Variants in CSMD1 observed in about 807,000 individuals in gnomAD.
CSMD1 encodes the protein CUB and Sushi multiple domains 1.
In CSMD1, 213 loss-of-function variants were observed where a neutral mutation model predicts 417.5. That is an observed-to-expected ratio of 0.51 (90% CI 0.46 to 0.57). The LOEUF (loss-of-function observed/expected upper bound fraction) is 0.57. Ranked by LOEUF, CSMD1 falls within the 20% of genes least tolerant of loss-of-function variation. The probability of loss-of-function intolerance (pLI) is 0.00; values close to 1 mark genes in which losing one functional copy is unlikely to be tolerated. For synonymous variants in CSMD1, 2,862 were observed against 1,736.8 expected, an observed-to-expected ratio of 1.65 and a Z score of -16.11; for missense variants, 6,923 against 4,529.7, an observed-to-expected ratio of 1.53 and a Z score of -15.17.
intron 10 of CSMD1, among the ~76,000 whole-genome samples, chr8:3,524,428 C>T (rs1307242714): frequency 6.6e-6 from 1 of 151,442 alleles, no homozygotes; most frequent in East Asian, 2.0e-4. Context: ...CAACCAGACA[C>T]ATCTGCATCT....
At chr8:4,076,412 A>G (rs993534916) in intron 3 of CSMD1, among the ~76,000 whole-genome samples, 2 of 152,218 alleles carry the variant, frequency 1.3e-5, no homozygotes, top group Non-Finnish European at 2.9e-5. Context: ...GAATGGACTA[A>G]TACAATAAGC....
chr8:3,975,013 G>A (rs112520447), intron 5 of CSMD1, among the ~76,000 whole-genome samples: 10 of 152,154 alleles, frequency 6.6e-5, no homozygotes, highest in African/African-American at 2.4e-4. Flanking sequence ...CAGTGAAAAT[G>A]GAATATAAAT....
At chr8:3,608,408 T>A (rs145445464) in intron 8 of CSMD1, among the ~76,000 whole-genome samples, 162 of 152,216 alleles carry the variant, frequency 1.1e-3, no homozygotes, top group African/African-American at 3.8e-3. Flanking sequence ...GGGAGCTCCC[T>A]AAGTTCAGTT....
intron 1 of CSMD1, among the ~76,000 whole-genome samples, chr8:4,674,586 C>T (rs150400743): frequency 6.6e-6 from 1 of 152,240 alleles, no homozygotes; most frequent in Non-Finnish European, 1.5e-5. Context: ...CGTTCTGGTA[C>T]TTGAAGCTTT....
intron 2 of CSMD1, among the ~76,000 whole-genome samples, chr8:4,469,580 A>G (rs1233552039): frequency 1.3e-5 from 2 of 152,212 alleles, no homozygotes; most frequent in South Asian, 2.1e-4. Context: ...GCTTGTGCAA[A>G]CACCTTGGAG....
intron 2 of CSMD1, among the ~76,000 whole-genome samples, chr8:4,436,139 G>A (rs762557411): frequency 2.6e-5 from 4 of 152,076 alleles, no homozygotes; most frequent in Admixed American, 6.6e-5. Flanking sequence ...ATAAAAAATA[G>A]AAGTCATAGA....
chr8:4,422,627 G>T (rs1263609685), intron 2 of CSMD1, among the ~76,000 whole-genome samples: 1 of 151,972 alleles, frequency 6.6e-6, no homozygotes, highest in Admixed American at 6.6e-5. Flanking sequence ...CCAGAACTGT[G>T]AAAAAATAAA....
At chr8:3,834,328 T>G (rs545115624) in intron 5 of CSMD1, among the ~76,000 whole-genome samples, 3 of 152,166 alleles carry the variant, frequency 2.0e-5, no homozygotes, top group Non-Finnish European at 2.9e-5. Context: ...TGTGGCTTAC[T>G]CACTGCTTAT....
chr8:3,510,339 C>T (rs57051345), intron 10 of CSMD1, among the ~76,000 whole-genome samples: 58,105 of 151,446 alleles, frequency 0.38, 11,769 homozygotes, highest in African/African-American at 0.42. Context: ...GCAACACAGC[C>T]GGAGCTTGGG....
chr8:4,767,383 T>A (rs1014477745), intron 1 of CSMD1, among the ~76,000 whole-genome samples: 9 of 152,196 alleles, frequency 5.9e-5, no homozygotes, highest in African/African-American at 1.7e-4. Flanking sequence ...ACATAATCCC[T>A]TTCTTTTTAT....
intron 1 of CSMD1, among the ~76,000 whole-genome samples, chr8:4,704,114 C>G (rs868839199): frequency 6.6e-6 from 1 of 152,172 alleles, no homozygotes; most frequent in Non-Finnish European, 1.5e-5. Context: ...TGATACAGGC[C>G]TTCATCCAAG....
intron 37 of CSMD1, among the ~76,000 whole-genome samples, chr8:3,174,495 A>G (rs1288294077): frequency 1.1e-4 from 17 of 152,218 alleles, no homozygotes; most frequent in Admixed American, 1.1e-3. Flanking sequence ...TCTGTCTCAA[A>G]AAACAAACAA....
intron 6 of CSMD1, among the ~76,000 whole-genome samples, chr8:3,718,771 C>G (rs1327794480): frequency 2.0e-5 from 3 of 152,034 alleles, no homozygotes; most frequent in African/African-American, 7.2e-5. Context: ...GTTTCCTTAC[C>G]AAATCAGGGA....
intron 68 of CSMD1, among the ~76,000 whole-genome samples, chr8:2,944,320 G>A (rs1802076361): frequency 6.6e-6 from 1 of 152,162 alleles, no homozygotes; most frequent in Admixed American, 6.5e-5. Context: ...TAGAGCCCTG[G>A]GGACAACATG....
chr8:3,216,879 G>A lies in CSMD1; in HGVS notation c.4673-2188C>T, dbSNP rs181108843. 3.9e-5 allele frequency among the ~76,000 whole-genome samples: 6 copies of A among 152,344 alleles called. No homozygotes were observed. The East Asian group carries it at 5.8e-4, about 15-fold the overall frequency. On this transcript the variant is annotated intron_variant, in intron 29 of 69. Transcript: ENST00000635120. The stretch of plus-strand genomic sequence containing the variant: ...TGCCTAAGAACTGGATCTGTCACCT[G>A]CTTTGCTATCCACACCAGCACTTGC...
intron 23 of CSMD1, among the ~76,000 whole-genome samples, chr8:3,314,094 G>A (rs1262312908): frequency 1.3e-5 from 2 of 151,886 alleles, no homozygotes; most frequent in African/African-American, 2.4e-5. Flanking sequence ...CACAGGAAGG[G>A]GAACATCACA....
intron 3 of CSMD1, among the ~76,000 whole-genome samples, chr8:4,259,978 A>T (rs998294744): frequency 1.3e-5 from 2 of 152,036 alleles, no homozygotes; most frequent in African/African-American, 4.8e-5. Flanking sequence ...TTCACTATTG[A>T]TAACAGACCT....
In CSMD1 at chr8:3,708,268, T is replaced by A; in HGVS notation, c.1009+146A>T. The A allele has an allele frequency of 4.5e-6, 3 of 661,316 alleles. No individual in the cohort carries two copies. In the East Asian group the frequency reaches 8.1e-5, roughly 18 times the overall value. The allele number at this position is 661,316 out of a possible 1,614,324, so 41.0% of individuals were successfully genotyped here. On this transcript the variant is annotated intron_variant, in intron 7 of 69. Transcript: ENST00000635120. The stretch of plus-strand genomic sequence containing the variant: ...ACAAAGTGAAGTTAGTGCATGTTCT[T>A]TCTCCCAGAAAATACTTTTGGATAT...
chr8:3,513,085 G>A (rs557066717), intron 10 of CSMD1, among the ~76,000 whole-genome samples: 1 of 151,666 alleles, frequency 6.6e-6, no homozygotes, highest in African/African-American at 2.4e-5. Flanking sequence ...CATGGTCATT[G>A]TCTAGCCCTC....
Sources: allele counts gnomAD v4.1 joint callset (sites outside exome capture counted in the v4.1 genomes callset), GRCh38; gene constraint gnomAD v4.1.1; transcripts MANE v1.5; gene names NCBI Gene and HGNC (gene_info 2026-07-23, HGNC 2026-07-21).